The following DPYD variants were observed in gnomAD, a reference collection of about 807,000 sequenced individuals.
DPYD encodes dihydropyrimidine dehydrogenase [NADP(+)].
A neutral mutation model predicts 116.2 loss-of-function variants in DPYD; 109 were observed. The observed-to-expected ratio is 0.94, with a 90% CI of 0.80 to 1.10. DPYD has a LOEUF of 1.10. Among genes scored for constraint, DPYD ranks in the 50% least tolerant of loss-of-function variants. DPYD has a pLI of 0.00. For missense variants in DPYD, 1,302 were observed against 1,254.5 expected (o/e 1.04, Z -0.57); for synonymous variants, 440 against 432.0 (o/e 1.02, Z -0.23).
intron 14 of DPYD, among the ~76,000 whole-genome samples, chr1:97,410,096 A>AG (rs1427597116): frequency 9.0e-6 from 1 of 110,660 alleles, no homozygotes; most frequent in Non-Finnish European, 2.0e-5. Context: ...AAGAAGAAGA[A>AG]AAAAAAAAAC....
chr1:97,508,172 T>C (rs1466489946), intron 13 of DPYD, among the ~76,000 whole-genome samples: 2 of 151,940 alleles, frequency 1.3e-5, no homozygotes, highest in African/African-American at 2.4e-5. Flanking sequence ...CATATGGTGA[T>C]AAGTGCAGTG....
At position 97,364,993 on chromosome 1, in the gene DPYD, C is replaced by T. The variant is rs545278802; in HGVS notation, c.2058+8568G>A. Among the ~76,000 whole-genome samples the T allele has an allele frequency of 3.0e-4, 45 of 152,206 alleles. No individual in the cohort carries two copies. The Middle Eastern group carries it at 0.01, about 35-fold the overall frequency. ...GGAAGCGTGTACAAATTTCTCTTTG[C>T]GGTAGAAGTACCTTAATTTTAAGGT... is the stretch of plus-strand genomic sequence containing the variant. On this transcript the variant is annotated intron_variant, in intron 16 of 22. Transcript: ENST00000370192.
chr1:97,347,755 A>G, intron 16 of DPYD, among the ~76,000 whole-genome samples: 1 of 152,160 alleles, frequency 6.6e-6, no homozygotes, highest in East Asian at 1.9e-4. Flanking sequence ...ACATTGTGGA[A>G]TAGCTAAATT....
At chr1:97,753,189 C>T (rs560838301) in intron 3 of DPYD, among the ~76,000 whole-genome samples, 19 of 151,844 alleles carry the variant, frequency 1.3e-4, no homozygotes, top group African/African-American at 4.6e-4. Context: ...TTATAAAAAC[C>T]CAATGAGATA....
chr1:97,570,172 A>G (rs747964409), intron 11 of DPYD, among the ~76,000 whole-genome samples: 2 of 152,034 alleles, frequency 1.3e-5, no homozygotes, highest in Non-Finnish European at 2.9e-5. Flanking sequence ...GGAATATTTC[A>G]GAAAAAACTG....
chr1:97,636,936 G>A (rs1657600263), intron 8 of DPYD, among the ~76,000 whole-genome samples: 1 of 152,146 alleles, frequency 6.6e-6, no homozygotes, highest in Admixed American at 6.6e-5. Context: ...CAAAATGCCA[G>A]GGACCTTGAT....
At chr1:97,406,816 C>T (rs1262079634) in intron 14 of DPYD, among the ~76,000 whole-genome samples, 2 of 152,054 alleles carry the variant, frequency 1.3e-5, no homozygotes, top group Admixed American at 6.6e-5. Flanking sequence ...TTGAGTTGTT[C>T]TATCACTTTT....
intron 10 of DPYD, among the ~76,000 whole-genome samples, chr1:97,590,918 CA>C (rs1654460321): frequency 6.6e-6 from 1 of 152,180 alleles, no homozygotes; most frequent in African/African-American, 2.4e-5. Context: ...CTTCTCTGTT[CA>C]AAGCAGCCCA....
At chr1:97,147,204 TG>T (rs1654691983) in intron 20 of DPYD, among the ~76,000 whole-genome samples, 1 of 152,060 alleles carries the variant, frequency 6.6e-6, no homozygotes, top group Non-Finnish European at 1.5e-5. Flanking sequence ...AAAAATTAGC[TG>T]GGCATGGGGG....
chr1:97,531,649 T>C (rs527617544), intron 12 of DPYD, among the ~76,000 whole-genome samples: 21 of 152,308 alleles, frequency 1.4e-4, no homozygotes, highest in African/African-American at 4.8e-4. Context: ...GATTACATTT[T>C]CTATTTCTGT....
intron 20 of DPYD, among the ~76,000 whole-genome samples, chr1:97,174,653 A>G (rs968487600): frequency 6.6e-6 from 1 of 152,212 alleles, no homozygotes; most frequent in Non-Finnish European, 1.5e-5. Context: ...ATTTGGGCAT[A>G]AAAAATGTCT....
At chr1:97,824,063 CAGA>C (rs1442863549) in intron 3 of DPYD, among the ~76,000 whole-genome samples, 1 of 151,954 alleles carries the variant, frequency 6.6e-6, no homozygotes, top group Non-Finnish European at 1.5e-5. Flanking sequence ...AAATAACACG[CAGA>C]AGAACTTAAG....
chr1:97,173,253 T>C (rs559656310), intron 20 of DPYD, among the ~76,000 whole-genome samples: 3 of 148,144 alleles, frequency 2.0e-5, no homozygotes, highest in South Asian at 4.2e-4. Context: ...TATGTACATA[T>C]ATGCACACAT....
chr1:97,162,563 A>G (rs1656004052), intron 20 of DPYD, among the ~76,000 whole-genome samples: 1 of 152,138 alleles, frequency 6.6e-6, no homozygotes, highest in Non-Finnish European at 1.5e-5. Flanking sequence ...GCCCAAGGTA[A>G]TTTATAGATT....
intron 2 of DPYD, among the ~76,000 whole-genome samples, chr1:97,860,733 C>T (rs1344124638): frequency 1.3e-5 from 2 of 151,200 alleles, no homozygotes; most frequent in East Asian, 2.0e-4. Context: ...TATTTCTAAC[C>T]TAAAATACTG....
At chr1:97,287,327 T>C (rs1665765826) in intron 18 of DPYD, among the ~76,000 whole-genome samples, 1 of 152,162 alleles carries the variant, frequency 6.6e-6, no homozygotes, top group Non-Finnish European at 1.5e-5. Flanking sequence ...GAGCAGTCAG[T>C]CTGCCCCTAC....
chr1:97,333,835 G>C (rs1669155250), intron 16 of DPYD, among the ~76,000 whole-genome samples: 1 of 152,088 alleles, frequency 6.6e-6, no homozygotes, highest in African/African-American at 2.4e-5. Context: ...TTTAAGTACA[G>C]TTTTTGAAAG....
chr1:97,729,859 C>T (rs923952425), intron 4 of DPYD, among the ~76,000 whole-genome samples: 12 of 152,206 alleles, frequency 7.9e-5, no homozygotes, highest in Non-Finnish European at 1.8e-4. Context: ...TATGTGAGAG[C>T]GCTTTTGGTA....
chr1:97,720,613 G>A (rs887794346), intron 5 of DPYD: 1 of 1,196,192 alleles, frequency 8.4e-7, no homozygotes, highest in Non-Finnish European at 1.0e-6. Context: ...AGCAAAGTGA[G>A]ACTTAAGCTT....
Sources: gnomAD v4.1 joint callset for allele counts (sites outside exome capture counted in the v4.1 genomes callset) on GRCh38, gnomAD v4.1.1 for gene constraint, MANE v1.5 for transcripts, NCBI Gene and HGNC (gene_info 2026-07-23, HGNC 2026-07-21) for gene names.